Variants in HMGN5 observed in about 807,000 individuals in gnomAD.
HMGN5 encodes high mobility group nucleosome binding domain 5.
HMGN5 carries 4 observed loss-of-function variants against 9.5 expected under a neutral mutation model. The ratio of observed to expected loss-of-function variants is 0.42; its 90% CI spans 0.21 to 0.96. The LOEUF is 0.96. Ranked by LOEUF, HMGN5 falls within the 40% of genes least tolerant of loss-of-function variation. The probability of loss-of-function intolerance (pLI) is 0.30; values close to 1 mark genes in which losing one functional copy is unlikely to be tolerated. For missense variants in HMGN5, 192 were observed against 187.5 expected, an observed-to-expected ratio of 1.02 and a Z score of -0.14; for synonymous variants, 55 against 57.1, an observed-to-expected ratio of 0.96 and a Z score of 0.16.
intron 1 of HMGN5, among the ~76,000 whole-genome samples, chrX:81,170,733 C>T (rs1352773480): frequency 9.0e-6 from 1 of 111,032 alleles, no homozygotes; most frequent in Non-Finnish European, 1.9e-5. Context: ...ATCTCAAATT[C>T]CCCACTCTAT....
chrX:81,125,494 G>A (rs1324413847), intron 1 of HMGN5, among the ~76,000 whole-genome samples: 3 of 111,313 alleles, frequency 2.7e-5, no homozygotes, highest in African/African-American at 6.5e-5. Flanking sequence ...TGGAAAAACT[G>A]TAATTCTGGT....
chrX:81,153,239 A>C (rs1409905348), intron 1 of HMGN5, among the ~76,000 whole-genome samples: 4 of 108,866 alleles, frequency 3.7e-5, no homozygotes, highest in Non-Finnish European at 7.6e-5. Context: ...AAATACTTCA[A>C]AACTGAGTTC....
At chrX:81,162,377 A>AT (rs1169009532) in intron 1 of HMGN5, among the ~76,000 whole-genome samples, 1 of 108,537 alleles carries the variant, frequency 9.2e-6, no homozygotes, top group East Asian at 2.9e-4. Context: ...AAAAAAAAAA[A>AT]CCACTCAGCT....
At chrX:81,118,701 A>C (rs778814505) in intron 4 of HMGN5, 29 bp downstream of exon 4, 1 of 1,167,270 alleles carries the variant, frequency 8.6e-7, no homozygotes, top group African/African-American at 1.8e-5. Flanking sequence ...TTCACAATAC[A>C]TGGGCTGCTT....
chrX:81,180,597 T>C (rs1360431669), intron 1 of HMGN5, among the ~76,000 whole-genome samples: 2 of 111,765 alleles, frequency 1.8e-5, no homozygotes, highest in Admixed American at 9.5e-5. Flanking sequence ...TTTACACTGT[T>C]GTTGGGAGTG....
At chrX:81,116,088 A>C (rs1569339944) in intron 6 of HMGN5, 116 bp downstream of exon 6, 2 of 490,502 alleles carry the variant, frequency 4.1e-6, no homozygotes, top group East Asian at 3.7e-5. Flanking sequence ...ATACTATAGA[A>C]CCACTGCTCA....
In HMGN5 at chrX:81,191,720, G is replaced by T. The variant is rs758959328; in HGVS notation, c.-124+10017C>A. On this transcript the variant is annotated intron_variant, in intron 1 of 6. Coordinates refer to ENST00000358130, the MANE Select transcript of HMGN5 (RefSeq NM_030763.3). Reference sequence around the variant, plus strand: ...AAGAGATAAGCAGCCTACACACCCTGTTCCAGGCTAGAAATATTTTTCTGT... The same window carrying T: ...AAGAGATAAGCAGCCTACACACCCTTTTCCAGGCTAGAAATATTTTTCTGT... Among the ~76,000 whole-genome samples the T allele has an allele frequency of 3.5e-4, 39 of 111,986 alleles. 1 individual carries two copies. The highest frequency in any genetic ancestry group is 2.7e-3 in the Admixed American group (28 of 10,556).
rs1365329549 is a variant in HMGN5 at position 81,114,042 on chromosome X, A to G, written c.*607T>C. ...TTAAGCACAATATTTCACTAGCTAT[A>G]TTTTTGAAGATATAACAAAACACAA... is the stretch of plus-strand genomic sequence containing the variant. On this transcript the variant is annotated 3_prime_UTR_variant, in exon 7 of 7. Coordinates refer to ENST00000358130, the MANE Select transcript of HMGN5 (RefSeq NM_030763.3). The G allele has an allele frequency of 8.9e-6, 1 of 112,287 alleles. No individual in the cohort carries two copies. Among genetic ancestry groups the G allele is most frequent in the Non-Finnish European group, 1.9e-5 (1 of 53,226 alleles). 9.3% of individuals were successfully genotyped at this position (112,287 alleles called of 1,213,427 possible).
intron 1 of HMGN5, among the ~76,000 whole-genome samples, chrX:81,149,115 A>C (rs186678574): frequency 9.0e-6 from 1 of 111,584 alleles, no homozygotes; most frequent in Admixed American, 9.5e-5. Context: ...TGACCCAGCA[A>C]TCTCATTACT....
chrX:81,146,949 A>G (rs1414002439), intron 1 of HMGN5, among the ~76,000 whole-genome samples: 1 of 111,891 alleles, frequency 8.9e-6, no homozygotes, highest in African/African-American at 3.3e-5. Context: ...CTAAACCAGG[A>G]AGAAGTCAAA....
At chrX:81,146,868 A>G (rs2075345815) in intron 1 of HMGN5, among the ~76,000 whole-genome samples, 1 of 111,888 alleles carries the variant, frequency 8.9e-6, no homozygotes, top group African/African-American at 3.2e-5. Context: ...TACTATAAAC[A>G]CCTCTACGCC....
intron 1 of HMGN5, among the ~76,000 whole-genome samples, chrX:81,165,478 C>A (rs1437767207): frequency 9.0e-6 from 1 of 111,009 alleles, no homozygotes; most frequent in Non-Finnish European, 1.9e-5. Context: ...AACAAAACTC[C>A]CCTTACTTGT....
At chrX:81,116,680 C>T (rs1013346599) in intron 5 of HMGN5, among the ~76,000 whole-genome samples, 2 of 111,907 alleles carry the variant, frequency 1.8e-5, no homozygotes, top group South Asian at 3.7e-4. Flanking sequence ...TCAATTAATT[C>T]CCTCTGTCTA....
chrX:81,191,348 C>T (rs1257794413), intron 1 of HMGN5, among the ~76,000 whole-genome samples: 1 of 111,208 alleles, frequency 9.0e-6, no homozygotes, highest in Non-Finnish European at 1.9e-5. Flanking sequence ...TGTTTCATTC[C>T]CATTGTCACA....
At chrX:81,150,487 A>C (rs760944934) in intron 1 of HMGN5, among the ~76,000 whole-genome samples, 17 of 111,391 alleles carry the variant, frequency 1.5e-4, no homozygotes, top group Non-Finnish European at 3.0e-4. Flanking sequence ...ATCGCTTTGA[A>C]CCCAGGAGGC....
chrX:81,156,797 G>A (rs2075384241), intron 1 of HMGN5, among the ~76,000 whole-genome samples: 1 of 109,638 alleles, frequency 9.1e-6, no homozygotes, highest in South Asian at 4.0e-4. Flanking sequence ...GTTGAGAGAT[G>A]GCTTCTCCGA....
intron 1 of HMGN5, among the ~76,000 whole-genome samples, chrX:81,153,561 C>CTCTCTCTCTCTCTCTG (rs2075372176): frequency 1.3e-4 from 1 of 7,410 alleles, no homozygotes; most frequent in South Asian, 0.014. Flanking sequence ...CTCTCTCTCT[C>CTCTCTCTCTCTCTCTG]TCTCTCTCTC....
chrX:81,180,431 C>T (rs1297163644), intron 1 of HMGN5, among the ~76,000 whole-genome samples: 10 of 112,083 alleles, frequency 8.9e-5, no homozygotes, highest in Non-Finnish European at 1.9e-4. Context: ...TTTATGCAGT[C>T]AACAGACACC....
intron 1 of HMGN5, among the ~76,000 whole-genome samples, chrX:81,178,745 C>T (rs1423950948): frequency 1.8e-5 from 2 of 110,837 alleles, no homozygotes; most frequent in African/African-American, 3.3e-5. Flanking sequence ...AAAGACACAA[C>T]AAAAAAAGGG....
Sources: allele counts gnomAD v4.1 joint callset (sites outside exome capture counted in the v4.1 genomes callset), GRCh38; gene constraint gnomAD v4.1.1; transcripts MANE v1.5; gene names NCBI Gene and HGNC (gene_info 2026-07-23, HGNC 2026-07-21).